The following MEI1 variants were observed in gnomAD, a reference collection of about 807,000 sequenced individuals.
MEI1 encodes meiotic double-stranded break formation protein 1, also known as meiosis inhibitor protein 1.
In MEI1, 103 loss-of-function variants were observed where a neutral mutation model predicts 146.2. The observed-to-expected ratio is 0.70, with a 90% confidence interval of 0.60 to 0.83. MEI1 has a LOEUF of 0.83. MEI1 is among the 40% of genes least tolerant of loss of function. The probability of loss-of-function intolerance (pLI) is 0.00; values close to 1 mark genes in which losing one functional copy is unlikely to be tolerated. For synonymous variants in MEI1, 652 were observed against 628.2 expected, an observed-to-expected ratio of 1.04 and a Z score of -0.57; for missense variants, 1,529 against 1,533.0, an observed-to-expected ratio of 1.00 and a Z score of 0.04.
At position 41,745,868 on chromosome 22, in the gene MEI1, AC is replaced by A; in HGVS notation, c.1539-16del. The A allele has an allele frequency of 6.4e-7, 1 of 1,574,446 alleles. No individual in the cohort carries two copies. Among genetic ancestry groups the A allele is most frequent in the East Asian group, 2.3e-5 (1 of 43,200 alleles). ...TGCATAGGTGGTAGTGGATATACTC[AC>A]ACATTGATTTCTTAGGTTGGCTATA... is the stretch of plus-strand genomic sequence containing the variant. On this transcript the variant is annotated splice_polypyrimidine_tract_variant and intron_variant, in intron 13 of 30. Coordinates refer to ENST00000401548, the MANE Select transcript of MEI1 (RefSeq NM_152513.4).
At chr22:41,786,234 A>G (rs1222071520) in intron 26 of MEI1, among the ~76,000 whole-genome samples, 1 of 151,968 alleles carries the variant, frequency 6.6e-6, no homozygotes, top group African/African-American at 2.4e-5. Flanking sequence ...TTAAATACAG[A>G]TGGGGTCTTG....
At chr22:41,741,736 GA>G (rs1376498183) in intron 11 of MEI1, among the ~76,000 whole-genome samples, 1 of 152,188 alleles carries the variant, frequency 6.6e-6, no homozygotes, top group Non-Finnish European at 1.5e-5. Flanking sequence ...AGCACTTTGA[GA>G]GGCTGAGGCG....
rs2069354367 is a variant in MEI1 at position 41,709,353 on chromosome 22, A to G, written c.349+3799A>G. The G allele has an allele frequency of 6.7e-6, 5 of 741,840 alleles. No individual in the cohort carries two copies. The East Asian group carries it at 1.3e-4, about 19-fold the overall frequency. The allele number at this position is 741,840 out of a possible 1,614,324, so 46.0% of individuals were successfully genotyped here. On this transcript the variant is annotated intron_variant, in intron 3 of 30. Coordinates refer to ENST00000401548, the MANE Select transcript of MEI1 (RefSeq NM_152513.4). ...CCTTTGGGTACCTTCTCTTCTTTGC[A>G]GGGGCCTTTTTAGGCTTGGGCTCTG...
At chr22:41,757,295 C>T (rs911753246) in intron 17 of MEI1, among the ~76,000 whole-genome samples, 4 of 151,306 alleles carry the variant, frequency 2.6e-5, no homozygotes, top group Non-Finnish European at 4.4e-5. Flanking sequence ...GGGTTTTCAC[C>T]GTGTTAGCCA....
At chr22:41,796,186 ATATT>A (rs1424734521) in intron 30 of MEI1, among the ~76,000 whole-genome samples, 3 of 151,952 alleles carry the variant, frequency 2.0e-5, no homozygotes, top group East Asian at 3.9e-4. Context: ...ACATATATAT[ATATT>A]TATTTATTCA....
chr22:41,768,366 G>T (rs1602048759), intron 19 of MEI1, among the ~76,000 whole-genome samples: 1 of 148,964 alleles, frequency 6.7e-6, no homozygotes, highest in Admixed American at 6.7e-5. Flanking sequence ...TCCAGTCTGG[G>T]TGACATAGTG....
chr22:41,734,483 C>T (rs1449630457), intron 11 of MEI1, among the ~76,000 whole-genome samples: 2 of 152,106 alleles, frequency 1.3e-5, no homozygotes, highest in African/African-American at 2.4e-5. Flanking sequence ...ATCCCAGTTA[C>T]TCAGGAGGCT....
chr22:41,720,582 A>G (rs1407395606), intron 6 of MEI1, among the ~76,000 whole-genome samples: 1 of 141,560 alleles, frequency 7.1e-6, no homozygotes, highest in Non-Finnish European at 1.5e-5. Context: ...AGCCTGCACT[A>G]CTATGCCTGG....
chr22:41,700,749 A>ATTTTTT lies in MEI1; in HGVS notation c.174+1058_174+1063dup, dbSNP rs78862314. ...GGATTGGCTAGATCAGCAGTTCTCAATTTTTTTTTTTTTTTTTTTTTTTTT... is the reference window on the plus strand; with the variant it reads ...GGATTGGCTAGATCAGCAGTTCTCAATTTTTTTTTTTTTTTTTTTTTTTTTTTTTTT... On this transcript the variant is annotated intron_variant, in intron 1 of 30. Transcript: ENST00000401548. 3.3e-4 allele frequency among the ~76,000 whole-genome samples: 39 copies of ATTTTTT among 117,638 alleles called. 1 individual carries two copies. Among genetic ancestry groups the ATTTTTT allele is most frequent in the African/African-American group, 1.5e-3 (39 of 26,296 alleles). 77.2% of individuals were successfully genotyped at this position (117,638 alleles called of 152,430 possible). A position where few individuals can be genotyped will look rare whatever the true frequency, so the allele number is the denominator to read the frequency against.
At chr22:41,713,975 G>T (rs1480546675) in intron 3 of MEI1, 27 bp from the exon 4 acceptor site, 2 of 1,562,346 alleles carry the variant, frequency 1.3e-6, no homozygotes, top group Non-Finnish European at 8.7e-7. Context: ...GTGCCTCCTG[G>T]TTAGTAATAC....
intron 17 of MEI1, among the ~76,000 whole-genome samples, chr22:41,757,596 A>T (rs905212338): frequency 3.3e-5 from 5 of 151,976 alleles, no homozygotes; most frequent in African/African-American, 1.2e-4. Flanking sequence ...ACCTCAGGTG[A>T]TATACCCTCC....
At chr22:41,762,567 T>G (rs1251260786) in intron 18 of MEI1, among the ~76,000 whole-genome samples, 1 of 150,148 alleles carries the variant, frequency 6.7e-6, no homozygotes, top group African/African-American at 2.5e-5. Context: ...TTTTTTTTTT[T>G]GTAGAGAAGA....
chr22:41,701,628 G>A (rs1337018433), intron 1 of MEI1, among the ~76,000 whole-genome samples: 2 of 152,160 alleles, frequency 1.3e-5, no homozygotes, highest in Non-Finnish European at 2.9e-5. Context: ...GAAATTCTGA[G>A]GCTGCTTTTC....
rs1433914642 is a variant in MEI1, at chr22:41,795,881, C to A, written c.3779+34C>A. 3 of 1,612,742 alleles carry A rather than the reference C, an allele frequency of 1.9e-6. No individual in the cohort carries two copies. In the Admixed American group the frequency reaches 5.0e-5, roughly 27 times the overall value. On this transcript the variant is annotated intron_variant, in intron 30 of 30. Transcript: ENST00000401548. This position sits in a 1 kb window ranked among gnomAD's most constrained non-coding sequence, Gnocchi z 4.2. Reference sequence around the variant, plus strand: ...TCTTGCATCTATGATGAAGGAGATGCCAAATCACTGGGTGTTTGGGGCTTC... The same window carrying A: ...TCTTGCATCTATGATGAAGGAGATGACAAATCACTGGGTGTTTGGGGCTTC...
rs148636021 is a variant in MEI1 at position 41,798,310 on chromosome 22, C to G, written c.3780-944C>G. The stretch of plus-strand genomic sequence containing the variant: ...AAGCTTGGATGGCCGGGTGCAGTGG[C>G]TCACGCCTGTAATCCCAGCACTTTG... On this transcript the variant is annotated intron_variant, in intron 30 of 30. Coordinates refer to ENST00000401548, the MANE Select transcript of MEI1 (RefSeq NM_152513.4). Among the ~76,000 whole-genome samples the G allele has an allele frequency of 3.5e-3, 529 of 152,326 alleles. 3 individuals are homozygous for G. The highest frequency in any genetic ancestry group is 0.012 in the African/African-American group (502 of 41,582).
Position 41,770,854 on chromosome 22 carries a change from G to A in MEI1, c.2437G>A (p.Glu813Lys), listed in dbSNP as rs1389753330. Residue 813 changes from glutamate (E) to lysine (K), a missense_variant, in exon 20 of 31, where the codon GAG becomes AAG. This residue lies in a region of MEI1 where 1,212 missense variants were observed against 1,178.9 expected (regional missense o/e 1.03). Coordinates refer to ENST00000401548, the MANE Select transcript of MEI1 (RefSeq NM_152513.4). Reference protein sequence around the residue: ...LWFFWEESSYEELDDVTSAGQ... With the variant: ...LWFFWEESSYKELDDVTSAGQ... ...GTTCTTCTGGGAAGAGAGCAGCTAT[G>A]AGGAACTGGATGATGTCACCTCTGC... The A allele has an allele frequency of 1.2e-6, 2 of 1,613,892 alleles. No homozygotes were observed. The highest frequency in any genetic ancestry group is 1.7e-6 in the Non-Finnish European group (2 of 1,179,912).
At chr22:41,773,611 C>T (rs983415879) in intron 20 of MEI1, among the ~76,000 whole-genome samples, 21 of 150,662 alleles carry the variant, frequency 1.4e-4, no homozygotes, top group Non-Finnish European at 2.7e-4. Flanking sequence ...CGCGGTGGCT[C>T]ACGCCTGTAA....
In MEI1 at chr22:41,699,702, C is replaced by T. The variant is rs547875477; in HGVS notation, c.164C>T (p.Pro55Leu). 3.8e-6 allele frequency: 6 copies of T among 1,578,206 alleles called. No individual in the cohort carries two copies. Among genetic ancestry groups the T allele is most frequent in the African/African-American group, 2.7e-5 (2 of 74,238 alleles). Reference protein sequence around the residue: ...LACALELLPDPGVSLVRKKHM... With the variant: ...LACALELLPDLGVSLVRKKHM... ...TGCGCGCTGGAGCTGCTGCCGGACC[C>T]CGGCGTGTCGGTGCGGGCGGAACCT... Residue 55 changes from proline to leucine, a missense_variant, in exon 1 of 31, where the codon CCC (proline) becomes CTC (leucine). By Grantham distance (98) the Pro-to-Leu change is moderately conservative. Coordinates refer to ENST00000401548, the MANE Select transcript of MEI1 (RefSeq NM_152513.4).
At chr22:41,756,444 A>G (rs949068214) in intron 17 of MEI1, among the ~76,000 whole-genome samples, 1 of 150,848 alleles carries the variant, frequency 6.6e-6, no homozygotes, top group Admixed American at 6.6e-5. Flanking sequence ...CCTTTATTCA[A>G]ATTTTAAACT....
Sources: gnomAD v4.1 joint callset for allele counts (sites outside exome capture counted in the v4.1 genomes callset) on GRCh38, gnomAD v4.1.1 for gene constraint, gnomAD v4.1.1 regional missense constraint, Gnocchi (gnomAD v3.1) non-coding constraint, MANE v1.5 for transcripts, NCBI Gene and HGNC (gene_info 2026-07-23, HGNC 2026-07-21) for gene names.